ARHGAP44: variants seen among roughly 807,000 people sequenced by gnomAD.
ARHGAP44 encodes the protein Rho GTPase activating protein 44.
A neutral mutation model predicts 106.8 loss-of-function variants in ARHGAP44; 43 were observed. The observed-to-expected ratio is 0.40, with a 90% CI of 0.32 to 0.52. The LOEUF (loss-of-function observed/expected upper bound fraction) is 0.52, where lower values mean the gene tolerates loss of function less well. ARHGAP44 is among the 20% of genes least tolerant of loss of function. The probability of loss-of-function intolerance (pLI) is 0.48; values close to 1 mark genes in which losing one functional copy is unlikely to be tolerated. For synonymous variants in ARHGAP44, 439 were observed against 410.3 expected (o/e 1.07, Z -0.85); for missense variants, 866 against 1,050.5 (o/e 0.82, Z 2.43).
intron 1 of ARHGAP44, among the ~76,000 whole-genome samples, chr17:12,853,510 G>GA (rs1169835418): frequency 6.6e-6 from 1 of 152,168 alleles, no homozygotes; most frequent in Non-Finnish European, 1.5e-5. Context: ...TCGTTTGCAA[G>GA]AAAGGTTTGG....
At chr17:12,867,959 C>T (rs371483546) in intron 1 of ARHGAP44, among the ~76,000 whole-genome samples, 105 of 152,220 alleles carry the variant, frequency 6.9e-4, no homozygotes, top group African/African-American at 2.0e-3. Flanking sequence ...TATAATCAAC[C>T]CTTATAACCA....
At chr17:12,881,174 A>G (rs2036727965) in intron 1 of ARHGAP44, among the ~76,000 whole-genome samples, 1 of 151,696 alleles carries the variant, frequency 6.6e-6, no homozygotes, top group Non-Finnish European at 1.5e-5. Context: ...ATTAATATAA[A>G]TATGTCTTTT....
At chr17:12,986,218 A>C (rs1049750731) in intron 20 of ARHGAP44, 1 of 152,178 alleles carries the variant, frequency 6.6e-6, no homozygotes, top group African/African-American at 2.4e-5. Context: ...AAATTAGGCA[A>C]ATTTCTCCCT....
chr17:12,921,225 C>G (rs189830369), intron 6 of ARHGAP44, among the ~76,000 whole-genome samples: 3,510 of 152,174 alleles, frequency 0.023, 120 homozygotes, highest in African/African-American at 0.08. Flanking sequence ...TGCCACCACG[C>G]TCAGCTAATT....
intron 1 of ARHGAP44, among the ~76,000 whole-genome samples, chr17:12,867,910 C>T (rs976932013): frequency 3.3e-5 from 5 of 152,132 alleles, no homozygotes; most frequent in African/African-American, 1.2e-4. Context: ...TTAGTGCAGG[C>T]AATGCTTCCT....
rs78500931 is a variant in ARHGAP44, at chr17:12,833,390, C to T, written c.53+43499C>T. Among the ~76,000 whole-genome samples, 342 of 152,266 alleles carry T rather than the reference C, an allele frequency of 2.2e-3. 1 individual carries two copies. The highest frequency in any genetic ancestry group is 7.7e-3 in the African/African-American group (322 of 41,560). The stretch of plus-strand genomic sequence containing the variant: ...AGCTGATACCCAACTAGCTTAAAGT[C>T]GGTGCCTCCCTGACTCTCTTGACTC... On this transcript the variant is annotated intron_variant, in intron 1 of 20. Transcript: ENST00000379672.
At chr17:12,978,036 C>CAAA (rs1157325814) in intron 18 of ARHGAP44, among the ~76,000 whole-genome samples, 5 of 89,300 alleles carry the variant, frequency 5.6e-5, no homozygotes, top group African/African-American at 2.4e-4. Flanking sequence ...GACTCCATCT[C>CAAA]AAAAAAAAAA....
intron 10 of ARHGAP44, 113 bp downstream of exon 10, chr17:12,944,309 A>G (rs571496912): frequency 1.5e-6 from 2 of 1,365,230 alleles, no homozygotes; most frequent in African/African-American, 1.5e-5. Flanking sequence ...ACGAATCCAA[A>G]TGGCTTAAGA....
chr17:12,877,196 A>G (rs1325984338), intron 1 of ARHGAP44, among the ~76,000 whole-genome samples: 1 of 152,234 alleles, frequency 6.6e-6, no homozygotes, highest in Non-Finnish European at 1.5e-5. Flanking sequence ...TTTACCCAGC[A>G]AACTGCAACA....
chr17:12,790,904 A>G (rs949612668), intron 1 of ARHGAP44, among the ~76,000 whole-genome samples: 3 of 152,204 alleles, frequency 2.0e-5, no homozygotes, highest in African/African-American at 7.2e-5. Context: ...TAAAGCAATC[A>G]GAAAGCAAAG....
chr17:12,943,712 T>C, intron 9 of ARHGAP44, 43 bp downstream of exon 9: 1 of 1,588,078 alleles, frequency 6.3e-7, no homozygotes, highest in East Asian at 2.2e-5. Flanking sequence ...CCGGGGTGCC[T>C]GCTTGCCTTC....
At position 12,802,509 on chromosome 17, in the gene ARHGAP44, G is replaced by A. The variant is rs529773313; in HGVS notation, c.53+12618G>A. On this transcript the variant is annotated intron_variant, in intron 1 of 20. Coordinates refer to ENST00000379672, the MANE Select transcript of ARHGAP44 (RefSeq NM_014859.6). ...TCCGATCTTCACTTGGAAACAGGGG[G>A]AGAATAGGAATTCTTTCGATTGACA... 9.9e-5 allele frequency among the ~76,000 whole-genome samples: 15 copies of A among 152,214 alleles called. No individual in the cohort carries two copies. The South Asian group carries it at 3.1e-3, about 32-fold the overall frequency.
intron 1 of ARHGAP44, among the ~76,000 whole-genome samples, chr17:12,847,149 A>G (rs1306712453): frequency 6.6e-6 from 1 of 152,218 alleles, no homozygotes; most frequent in Non-Finnish European, 1.5e-5. Context: ...ATAATTAGGC[A>G]TAGCAGTATA....
chr17:12,896,263 A>AAAAC (rs560070808), intron 2 of ARHGAP44, 144 bp from the exon 3 acceptor site: 2 of 653,670 alleles, frequency 3.1e-6, no homozygotes, highest in Non-Finnish European at 5.1e-6. Context: ...TATAATTTAA[A>AAAAC]AAACAAACAA....
At chr17:12,893,898 T>A (rs955317768) in intron 1 of ARHGAP44, among the ~76,000 whole-genome samples, 6 of 152,300 alleles carry the variant, frequency 3.9e-5, no homozygotes, top group Non-Finnish European at 8.8e-5. Flanking sequence ...GACAACACTT[T>A]TACCATGTTA....
rs183607327 is a variant in ARHGAP44 at position 12,970,278 on chromosome 17, A to T, written c.1524-3024A>T. ...CTACTCAGGAGGCTGAGATGAGAAG[A>T]TCACTTGAACCCGAGAAGTTGGGGC... On this transcript the variant is annotated intron_variant, in intron 16 of 20. Transcript: ENST00000379672. 3.1e-4 allele frequency among the ~76,000 whole-genome samples: 47 copies of T among 150,884 alleles called. 1 individual carries two copies. In the East Asian group the frequency reaches 9.4e-3, roughly 30 times the overall value.
intron 4 of ARHGAP44, 72 bp downstream of exon 4, chr17:12,909,045 C>T (rs2037645046): frequency 7.7e-7 from 1 of 1,305,138 alleles, no homozygotes; most frequent in Non-Finnish European, 1.1e-6. Flanking sequence ...GGGACTAGAC[C>T]CTCTCAGGGA....
intron 1 of ARHGAP44, among the ~76,000 whole-genome samples, chr17:12,834,441 C>T (rs1163030982): frequency 1.3e-5 from 2 of 152,096 alleles, no homozygotes; most frequent in Non-Finnish European, 2.9e-5. Context: ...CACTAAAATC[C>T]AGCAGTGAGC....
chr17:12,931,001 C>CT (rs1298330860), intron 7 of ARHGAP44, among the ~76,000 whole-genome samples: 2 of 152,158 alleles, frequency 1.3e-5, no homozygotes, highest in Non-Finnish European at 2.9e-5. Context: ...ATACTCCAGA[C>CT]TTTTCTTCAT....
Sources: gnomAD v4.1 joint callset for allele counts (sites outside exome capture counted in the v4.1 genomes callset) on GRCh38, gnomAD v4.1.1 for gene constraint, MANE v1.5 for transcripts, NCBI Gene and HGNC (gene_info 2026-07-23, HGNC 2026-07-21) for gene names.